Variants in PIK3CG observed in about 807,000 individuals in gnomAD.
PIK3CG encodes phosphatidylinositol-4,5-bisphosphate 3-kinase catalytic subunit gamma, also known as phosphatidylinositol 4,5-bisphosphate 3-kinase catalytic subunit gamma isoform.
In PIK3CG, 55 loss-of-function variants were observed where a neutral mutation model predicts 102.3. The observed-to-expected ratio is 0.54, with a 90% CI of 0.43 to 0.67. PIK3CG has a LOEUF of 0.67. PIK3CG is among the 30% of genes least tolerant of loss of function. The probability of loss-of-function intolerance (pLI) is 0.00; values close to 1 mark genes in which losing one functional copy is unlikely to be tolerated. For synonymous variants in PIK3CG, 552 were observed against 540.0 expected (o/e 1.02, Z -0.31); for missense variants, 1,258 against 1,391.8 (o/e 0.90, Z 1.53).
chr7:106,866,377 A>G (rs914343178), intron 1 of PIK3CG, among the ~76,000 whole-genome samples: 7 of 152,212 alleles, frequency 4.6e-5, no homozygotes, highest in Non-Finnish European at 7.4e-5. Context: ...AGGATTTCCT[A>G]TTGCAGTATG....
intron 10 of PIK3CG, among the ~76,000 whole-genome samples, chr7:106,886,959 A>G (rs901394790): frequency 4.6e-5 from 7 of 152,088 alleles, no homozygotes; most frequent in East Asian, 1.9e-4. Flanking sequence ...GTCTTGGGCA[A>G]CACATAAAAT....
In PIK3CG at chr7:106,878,630, G is replaced by A. The variant is rs902276254; in HGVS notation, c.2392-889G>A. 8.5e-5 allele frequency among the ~76,000 whole-genome samples: 13 copies of A among 152,142 alleles called. No individual in the cohort carries two copies. In the South Asian group the frequency reaches 2.7e-3, roughly 32 times the overall value. On this transcript the variant is annotated intron_variant, in intron 5 of 10. Coordinates refer to ENST00000496166, the MANE Select transcript of PIK3CG (RefSeq NM_001282426.2). ...CACGGACCTACACTGCCTGTTCAAT[G>A]TCTGAAAAGAGTTTTATATATTTTG...
Position 106,867,438 on chromosome 7 carries a change from G to A in PIK3CG, c.-12-112G>A. ...CCAGTTTAAAATACTTGGTCCCTCT[G>A]GGTCCCTGTGCACATGTACGCCGCC... On this transcript the variant is annotated intron_variant, in intron 1 of 10. Coordinates refer to ENST00000496166, the MANE Select transcript of PIK3CG (RefSeq NM_001282426.2). This position sits in a 1 kb window ranked among gnomAD's most constrained non-coding sequence, Gnocchi z 5.1. The A allele has an allele frequency of 1.0e-6, 1 of 958,390 alleles. No homozygotes were observed. Among genetic ancestry groups the A allele is most frequent in the Non-Finnish European group, 1.6e-6 (1 of 633,414 alleles). The allele number at this position is 958,390 out of a possible 1,614,324, so 59.4% of individuals were successfully genotyped here.
rs994616069 is a variant in PIK3CG at position 106,883,783 on chromosome 7, T to C, written c.2761-372T>C. On this transcript the variant is annotated intron_variant, in intron 8 of 10. Coordinates refer to ENST00000496166, the MANE Select transcript of PIK3CG (RefSeq NM_001282426.2). This position sits in a 1 kb window ranked among gnomAD's most constrained non-coding sequence, Gnocchi z 5.8. ...TATTAATCTGTTATACATGGGGATC[T>C]GTGAACCCAAGCATACTCTTAGTGG... 6.6e-6 allele frequency among the ~76,000 whole-genome samples: 1 copy of C among 152,226 alleles called. No individual in the cohort carries two copies. Among genetic ancestry groups the C allele is most frequent in the African/African-American group, 2.4e-5 (1 of 41,464 alleles).
intron 10 of PIK3CG, among the ~76,000 whole-genome samples, chr7:106,904,437 A>G (rs1291682651): frequency 6.6e-6 from 1 of 152,246 alleles, no homozygotes; most frequent in Non-Finnish European, 1.5e-5. Flanking sequence ...AACAATTTAA[A>G]TGGCATAACC....
In PIK3CG at chr7:106,867,155, G is replaced by A. The variant is rs1351581268; in HGVS notation, c.-12-395G>A. ...TAATGTGTCATGCGCTGTGCTGGAT[G>A]AGTGTTTTACCTACCTCTTTAAAAT... On this transcript the variant is annotated intron_variant, in intron 1 of 10. Transcript: ENST00000496166. This position sits in a 1 kb window ranked among gnomAD's most constrained non-coding sequence, Gnocchi z 5.1. 2.0e-5 allele frequency among the ~76,000 whole-genome samples: 3 copies of A among 152,194 alleles called. No individual in the cohort carries two copies. The highest frequency in any genetic ancestry group is 2.9e-5 in the Non-Finnish European group (2 of 68,032).
intron 6 of PIK3CG, 37 bp from the exon 7 acceptor site, chr7:106,882,080 A>G (rs757527642): frequency 4.6e-5 from 41 of 886,936 alleles, no homozygotes; most frequent in South Asian, 6.0e-5. Context: ...AAGTTAATAT[A>G]TATATAATAT....
In PIK3CG at chr7:106,879,769, G is replaced by GTGA; in HGVS notation, c.2538+108_2538+110dup. ...CTCTATTCCCACTCTCTTCTTTCAA[G>GTGA]TGATGAATTGTGATCAAATATTACA... is the stretch of plus-strand genomic sequence containing the variant. On this transcript the variant is annotated intron_variant, in intron 6 of 10. Transcript: ENST00000496166. The surrounding 1 kb of genome is among the most constrained non-coding windows in gnomAD (Gnocchi z 4.9). 1 of 807,350 alleles carries GTGA rather than the reference G, an allele frequency of 1.2e-6. No homozygotes were observed. The highest frequency in any genetic ancestry group is 1.7e-5 in the South Asian group (1 of 57,734). 50.0% of individuals were successfully genotyped at this position (807,350 alleles called of 1,614,324 possible). A position where few individuals can be genotyped will look rare whatever the true frequency, so the allele number is the denominator to read the frequency against.
intron 7 of PIK3CG, 151 bp from the exon 8 acceptor site, chr7:106,882,882 A>G (rs1283194937): frequency 3.4e-6 from 2 of 594,554 alleles, no homozygotes; most frequent in Non-Finnish European, 5.6e-6. Context: ...TCATAAGAAA[A>G]CCAATAGCAT....
intron 1 of PIK3CG, chr7:106,865,664 G>C (rs1790255714): frequency 2.0e-5 from 3 of 152,248 alleles, no homozygotes; most frequent in Non-Finnish European, 4.4e-5. Flanking sequence ...GGGCACGGCA[G>C]CCAGGCTTCA....
chr7:106,884,337 ACT>A lies in PIK3CG; in HGVS notation c.2872+74_2872+75del. ...ATATAACATAACATTTACTATTTTA[ACT>A]CTAATTAACTGTAAGTGTTCAGTTC... On this transcript the variant is annotated intron_variant, in intron 9 of 10. Transcript: ENST00000496166. This position sits in a 1 kb window ranked among gnomAD's most constrained non-coding sequence, Gnocchi z 4.2. 1 of 954,898 alleles carries A rather than the reference ACT, an allele frequency of 1.0e-6. No individual in the cohort carries two copies. The highest frequency in any genetic ancestry group is 1.7e-6 in the Non-Finnish European group (1 of 602,070). 59.2% of individuals were successfully genotyped at this position (954,898 alleles called of 1,614,324 possible).
At chr7:106,866,908 G>C (rs910489833) in intron 1 of PIK3CG, among the ~76,000 whole-genome samples, 1 of 152,204 alleles carries the variant, frequency 6.6e-6, no homozygotes, top group African/African-American at 2.4e-5. Flanking sequence ...GGTCCAGGCA[G>C]TTTGAAAACA....
In PIK3CG at chr7:106,880,022, A is replaced by C. The variant is rs1792470089; in HGVS notation, c.2538+357A>C. ...TTCCTGCCCATAGACATGTCTGCAC[A>C]TCTCTAGGCACTCTTTTAGATACAT... On this transcript the variant is annotated intron_variant, in intron 6 of 10. Transcript: ENST00000496166. This position sits in a 1 kb window ranked among gnomAD's most constrained non-coding sequence, Gnocchi z 4.2. 6.6e-6 allele frequency among the ~76,000 whole-genome samples: 1 copy of C among 152,194 alleles called. No individual in the cohort carries two copies. Among genetic ancestry groups the C allele is most frequent in the South Asian group, 2.1e-4 (1 of 4,824 alleles).
Position 106,895,672 on chromosome 7 carries a change from AG to A in PIK3CG, c.3030+9381del, listed in dbSNP as rs1223240983. On this transcript the variant is annotated intron_variant, in intron 10 of 10. Coordinates refer to ENST00000496166, the MANE Select transcript of PIK3CG (RefSeq NM_001282426.2). The surrounding 1 kb of genome is among the most constrained non-coding windows in gnomAD (Gnocchi z 5.4). ...GGGCAGATGGTCTAGAGGGACAGTG[AG>A]CCCCTTAGCGTTGAACAGTATGTGT... Among the ~76,000 whole-genome samples the A allele has an allele frequency of 6.6e-6, 1 of 152,208 alleles. No homozygotes were observed. Among genetic ancestry groups the A allele is most frequent in the Non-Finnish European group, 1.5e-5 (1 of 68,038 alleles).
Position 106,869,314 on chromosome 7 carries a change from C to T in PIK3CG, c.1753C>T (p.His585Tyr), listed in dbSNP as rs1379222461. ...GCATTTTAGATACGAAAGCCTTAAG[C>T]ACCCAAAAGCATATCCTAAGCTATT... ...LWHFRYESLK[H>Y]PKAYPKLFSS... The change falls in exon 2 of 11, where the codon CAC becomes TAC. Residue 585 changes from histidine to tyrosine, a missense_variant. Coordinates refer to ENST00000496166, the MANE Select transcript of PIK3CG (RefSeq NM_001282426.2). This position sits in a 1 kb window ranked among gnomAD's most constrained non-coding sequence, Gnocchi z 5.3. 4.3e-6 allele frequency: 7 copies of T among 1,614,084 alleles called. No homozygotes were observed. Among genetic ancestry groups the T allele is most frequent in the African/African-American group, 1.3e-5 (1 of 74,920 alleles).
chr7:106,876,624 A>G (rs1341162617), intron 5 of PIK3CG, among the ~76,000 whole-genome samples: 2 of 149,558 alleles, frequency 1.3e-5, no homozygotes, highest in African/African-American at 4.9e-5. Flanking sequence ...GATGGTCTCA[A>G]TCTCCTGACC....
At chr7:106,870,598 C>T (rs1790501986) in intron 2 of PIK3CG, among the ~76,000 whole-genome samples, 1 of 152,128 alleles carries the variant, frequency 6.6e-6, no homozygotes, top group African/African-American at 2.4e-5. Context: ...TCCAGGGGTC[C>T]AAGGGACACT....
At position 106,895,720 on chromosome 7, in the gene PIK3CG, T is replaced by C. The variant is rs1791391403; in HGVS notation, c.3031-9389T>C. On this transcript the variant is annotated intron_variant, in intron 10 of 10. Coordinates refer to ENST00000496166, the MANE Select transcript of PIK3CG (RefSeq NM_001282426.2). The surrounding 1 kb of genome is among the most constrained non-coding windows in gnomAD (Gnocchi z 5.4). ...GTGTATTCAATAATGCAGCTCCTCG[T>C]GGTATTGATTAGTAATCATAGCCAA... Among the ~76,000 whole-genome samples the C allele has an allele frequency of 6.6e-6, 1 of 152,244 alleles. No individual in the cohort carries two copies. The highest frequency in any genetic ancestry group is 1.5e-5 in the Non-Finnish European group (1 of 68,044).
chr7:106,896,859 C>T (rs1015677505), intron 10 of PIK3CG, among the ~76,000 whole-genome samples: 1 of 152,132 alleles, frequency 6.6e-6, no homozygotes, highest in Admixed American at 6.6e-5. Context: ...TGATGTGTAC[C>T]CTGCCCAGCC....
Sources: gnomAD v4.1 joint callset for allele counts (sites outside exome capture counted in the v4.1 genomes callset) on GRCh38, gnomAD v4.1.1 for gene constraint, Gnocchi (gnomAD v3.1) non-coding constraint, MANE v1.5 for transcripts, NCBI Gene and HGNC (gene_info 2026-07-23, HGNC 2026-07-21) for gene names.